The following ZER1 variants were observed in gnomAD, a reference collection of about 807,000 sequenced individuals.
The protein encoded by ZER1 is zyg-11 related cell cycle regulator.
In ZER1, 11 loss-of-function variants were observed where a neutral mutation model predicts 78.8. That is an observed-to-expected ratio of 0.14 (90% CI 0.09 to 0.23). ZER1 has a LOEUF of 0.23. ZER1 is among the 10% of genes least tolerant of loss of function. The pLI, the probability that ZER1 is intolerant of heterozygous loss-of-function variation, is 1.00. For missense variants in ZER1, 588 were observed against 996.9 expected (o/e 0.59, Z 5.52); for synonymous variants, 400 against 407.0 (o/e 0.98, Z 0.21).
chr9:128,739,544 G>A (rs148355373), intron 13 of ZER1, among the ~76,000 whole-genome samples: 2 of 151,502 alleles, frequency 1.3e-5, no homozygotes, highest in East Asian at 3.9e-4. Flanking sequence ...TTGGGCTCAA[G>A]TGATCCTCCT....
intron 13 of ZER1, among the ~76,000 whole-genome samples, chr9:128,736,125 A>AT (rs965628751): frequency 6.6e-6 from 1 of 150,944 alleles, no homozygotes; most frequent in Non-Finnish European, 1.5e-5. Flanking sequence ...ATTTTTTTGT[A>AT]TTTTTTAGTA....
chr9:128,742,779 C>T (rs532786216), intron 8 of ZER1, 34 bp from the exon 9 acceptor site: 4 of 1,564,684 alleles, frequency 2.6e-6, no homozygotes, highest in South Asian at 1.2e-5. Context: ...GGGGCACATT[C>T]AGGGTCAGAC....
Position 128,741,763 on chromosome 9 carries a change from G to A in ZER1, c.1617+37C>T, listed in dbSNP as rs1484796621. 2.5e-6 allele frequency: 4 copies of A among 1,614,148 alleles called. No individual in the cohort carries two copies. In the African/African-American group the frequency reaches 5.3e-5, roughly 22 times the overall value. On this transcript the variant is annotated intron_variant, in intron 10 of 15. Coordinates refer to ENST00000291900, the MANE Select transcript of ZER1 (RefSeq NM_006336.4). ...GCAGCCCAGGCCCCTTGCGAGGTGG[G>A]GAAAGGGTAGCGTGGCTTCGTGAAG...
At position 128,755,376 on chromosome 9, in the gene ZER1, C is replaced by A. The variant is rs538876745; in HGVS notation, c.158+32G>T. 520 of 1,612,402 alleles carry A rather than the reference C, an allele frequency of 3.2e-4. 6 individuals are homozygous for A. The South Asian group carries it at 5.3e-3, about 16-fold the overall frequency. On this transcript the variant is annotated intron_variant, in intron 2 of 15. Transcript: ENST00000291900. This position sits in a 1 kb window ranked among gnomAD's most constrained non-coding sequence, Gnocchi z 5.6. ...TCTCTATACACATTCATGGTAAGAC[C>A]CCTGCCCCTCCTCAGCCCTGGGTCT... is the stretch of plus-strand genomic sequence containing the variant.
In ZER1 at chr9:128,753,125, C is replaced by G. The variant is rs1264758739; in HGVS notation, c.746+39G>C. 7 of 1,492,902 alleles carry G rather than the reference C, an allele frequency of 4.7e-6. No homozygotes were observed. In the South Asian group the frequency reaches 9.2e-5, roughly 20 times the overall value. The allele number at this position is 1,492,902 out of a possible 1,614,324, so 92.5% of individuals were successfully genotyped here. A position where few individuals can be genotyped will look rare whatever the true frequency, so the allele number is the denominator to read the frequency against. ...ACCTCTACTCCTCCCCACCTGCCCC[C>G]CAAACCCCACCCTGGTGAGCTCTGG... is the stretch of plus-strand genomic sequence containing the variant. On this transcript the variant is annotated intron_variant, in intron 4 of 15. Transcript: ENST00000291900. The surrounding 1 kb of genome is among the most constrained non-coding windows in gnomAD (Gnocchi z 7.5).
chr9:128,755,677 T>G lies in ZER1; in HGVS notation c.-94-18A>C. 2.1e-6 allele frequency: 3 copies of G among 1,400,172 alleles called. No homozygotes were observed. The highest frequency in any genetic ancestry group is 2.9e-6 in the Non-Finnish European group (3 of 1,032,028). 86.7% of individuals were successfully genotyped at this position (1,400,172 alleles called of 1,614,324 possible). A position where few individuals can be genotyped will look rare whatever the true frequency, so the allele number is the denominator to read the frequency against. ...GCCACTGCCTGGGGAGTGGACAAGA[T>G]GCCAAGTGAGCCACACACAAGGGCT... On this transcript the variant is annotated intron_variant, in intron 1 of 15. Transcript: ENST00000291900. This position sits in a 1 kb window ranked among gnomAD's most constrained non-coding sequence, Gnocchi z 5.6.
chr9:128,758,504 T>C (rs555404815), intron 1 of ZER1, among the ~76,000 whole-genome samples: 4 of 139,408 alleles, frequency 2.9e-5, no homozygotes, highest in South Asian at 4.7e-4. Context: ...CTGCACCCTC[T>C]ATTTCCCAGG....
Position 128,731,373 on chromosome 9 carries a change from A to G in ZER1, c.2265T>C (p.Ser755=). The G allele has an allele frequency of 6.7e-7, 1 of 1,500,778 alleles. No homozygotes were observed. 93.0% of individuals were successfully genotyped at this position (1,500,778 alleles called of 1,614,324 possible). A position where few individuals can be genotyped will look rare whatever the true frequency, so the allele number is the denominator to read the frequency against. Residue 755 remains serine, a synonymous_variant, in exon 16 of 16, where the codon AGT becomes AGC. Coordinates refer to ENST00000291900, the MANE Select transcript of ZER1 (RefSeq NM_006336.4). ...TGTCCATGTTCTCCTCTTTAAAGTT[A>G]CTGCAGTGCTCAATCACCTTGCTGG... The part of the protein sequence containing the change: ...EMARKVIEHC[S]NFKEENMDTS...
chr9:128,763,576 C>G (rs1864114661), intron 1 of ZER1, among the ~76,000 whole-genome samples: 1 of 152,212 alleles, frequency 6.6e-6, no homozygotes, highest in Admixed American at 6.5e-5. Flanking sequence ...CCTACAGGGC[C>G]CATAAGCGCC....
At position 128,740,834 on chromosome 9, in the gene ZER1, A is replaced by G. The variant is rs745354082; in HGVS notation, c.1791T>C (p.Asn597=). 3.8e-6 allele frequency: 3 copies of G among 781,002 alleles called. No individual in the cohort carries two copies. The highest frequency in any genetic ancestry group is 1.7e-5 in the Admixed American group (1 of 59,006). The allele number at this position is 781,002 out of a possible 1,614,324, so 48.4% of individuals were successfully genotyped here. The part of the protein sequence containing the change: ...LHRNMLGLLG[N]VAEVKELRPQ... ...GCCTCAGCTCCTTCACTTCTGCCAC[A>G]TTCCCCAAAAGTCCTAGCATATTCC... The change falls in exon 12 of 16, where the codon AAT becomes AAC. Residue 597 remains asparagine, a synonymous_variant. Transcript: ENST00000291900. This position sits in a 1 kb window ranked among gnomAD's most constrained non-coding sequence, Gnocchi z 4.4.
chr9:128,759,917 T>C (rs988976409), intron 1 of ZER1, among the ~76,000 whole-genome samples: 1 of 152,234 alleles, frequency 6.6e-6, no homozygotes. Context: ...TCTCATACTG[T>C]TGCCCAGGCT....
chr9:128,757,755 C>T (rs914716989), intron 1 of ZER1, among the ~76,000 whole-genome samples: 2 of 152,082 alleles, frequency 1.3e-5, no homozygotes, highest in Non-Finnish European at 2.9e-5. Flanking sequence ...GGGAAATCTC[C>T]CACAGGGCTG....
chr9:128,735,318 A>G lies in ZER1; in HGVS notation c.2140+16T>C, dbSNP rs1052228997. The G allele has an allele frequency of 3.7e-6, 6 of 1,608,316 alleles. No individual in the cohort carries two copies. Among genetic ancestry groups the G allele is most frequent in the African/African-American group, 1.3e-5 (1 of 74,702 alleles). ...AGCTGGATGAGTGTCTGAACCCAGG[A>G]CAAGTTGGCACTCACGGTAGACAGA... On this transcript the variant is annotated intron_variant, in intron 14 of 15. Transcript: ENST00000291900.
chr9:128,765,092 G>A (rs1864164259), intron 1 of ZER1, among the ~76,000 whole-genome samples: 1 of 152,112 alleles, frequency 6.6e-6, no homozygotes, highest in African/African-American at 2.4e-5. Context: ...CTAGTACCCT[G>A]TACTTGCAAC....
At chr9:128,735,230 C>T in intron 14 of ZER1, 104 bp downstream of exon 14, 2 of 1,075,462 alleles carry the variant, frequency 1.9e-6, no homozygotes, top group Non-Finnish European at 1.3e-6. Flanking sequence ...GGCACAAAAG[C>T]TGACAGCAGC....
At chr9:128,758,649 A>G (rs2132465850) in intron 1 of ZER1, among the ~76,000 whole-genome samples, 2 of 151,940 alleles carry the variant, frequency 1.3e-5, no homozygotes, top group Middle Eastern at 6.8e-3. Context: ...TATGTTATTC[A>G]GGCTGGTCTC....
At chr9:128,764,420 G>A (rs1471451213) in intron 1 of ZER1, among the ~76,000 whole-genome samples, 1 of 152,150 alleles carries the variant, frequency 6.6e-6, no homozygotes, top group Non-Finnish European at 1.5e-5. Flanking sequence ...TTTTCTGCAG[G>A]TCTGAGCCCA....
rs1445435776 is a variant in ZER1, at chr9:128,735,775, T to G, written c.2043-344A>C. On this transcript the variant is annotated intron_variant, in intron 13 of 15. Coordinates refer to ENST00000291900, the MANE Select transcript of ZER1 (RefSeq NM_006336.4). ...CGTGTGACCTGGTTTTTTTTTTTTTTTTTTTTTTTTTTTTTTTTGTGAGAC... is the reference window on the plus strand; with the variant it reads ...CGTGTGACCTGGTTTTTTTTTTTTTGTTTTTTTTTTTTTTTTTTGTGAGAC... Among the ~76,000 whole-genome samples, 1,252 of 134,324 alleles carry G rather than the reference T, an allele frequency of 9.3e-3. 124 individuals carry two copies. Among genetic ancestry groups the G allele is most frequent in the African/African-American group, 0.027 (960 of 35,294 alleles). The allele number at this position is 134,324 out of a possible 152,430, so 88.1% of individuals were successfully genotyped here.
intron 1 of ZER1, among the ~76,000 whole-genome samples, chr9:128,758,328 G>A (rs902075954): frequency 6.6e-6 from 1 of 152,016 alleles, no homozygotes; most frequent in African/African-American, 2.4e-5. Flanking sequence ...GGTTATCCAT[G>A]TTGGCCAGGC....
Sources: gnomAD v4.1 joint callset for allele counts (sites outside exome capture counted in the v4.1 genomes callset) on GRCh38, gnomAD v4.1.1 for gene constraint, Gnocchi (gnomAD v3.1) non-coding constraint, MANE v1.5 for transcripts, NCBI Gene and HGNC (gene_info 2026-07-23, HGNC 2026-07-21) for gene names.